Variants in ZCWPW2 observed in about 807,000 individuals in gnomAD.
ZCWPW2 encodes zinc finger CW-type PWWP domain protein 2.
In ZCWPW2, 45 loss-of-function variants were observed where a neutral mutation model predicts 46.6. That is an observed-to-expected ratio of 0.96 (90% CI 0.76 to 1.24). The LOEUF (loss-of-function observed/expected upper bound fraction) is 1.24, where lower values mean the gene tolerates loss of function less well. Among genes scored for constraint, ZCWPW2 ranks in the 50% most tolerant of loss-of-function variants. ZCWPW2 has a pLI of 0.00. For missense variants in ZCWPW2, 429 were observed against 403.9 expected, an observed-to-expected ratio of 1.06 and a Z score of -0.53; for synonymous variants, 152 against 137.1, an observed-to-expected ratio of 1.11 and a Z score of -0.76.
intron 6 of ZCWPW2, among the ~76,000 whole-genome samples, chr3:28,507,541 A>G (rs916441879): frequency 7.3e-5 from 11 of 151,602 alleles, no homozygotes; most frequent in Non-Finnish European, 1.5e-4. Flanking sequence ...CAGTGGTGCA[A>G]TCTTGGCTTC....
chr3:28,447,694 C>T (rs1698048684), intron 4 of ZCWPW2: 1 of 465,730 alleles, frequency 2.1e-6, no homozygotes, highest in Admixed American at 2.6e-5. Flanking sequence ...AGATATCTAG[C>T]TTCCACGAAC....
At chr3:28,441,223 C>A (rs1697743664) in intron 4 of ZCWPW2, among the ~76,000 whole-genome samples, 1 of 152,186 alleles carries the variant, frequency 6.6e-6, no homozygotes, top group Admixed American at 6.5e-5. Context: ...ACATGGGATA[C>A]AAATATCTTC....
At chr3:28,480,849 T>C (rs1299031611) in intron 5 of ZCWPW2, among the ~76,000 whole-genome samples, 1 of 147,778 alleles carries the variant, frequency 6.8e-6, no homozygotes, top group African/African-American at 2.5e-5. Context: ...AGGGAATCCT[T>C]TCCTCATTTT....
intron 4 of ZCWPW2, among the ~76,000 whole-genome samples, chr3:28,466,849 C>A (rs1261944383): frequency 6.6e-6 from 1 of 151,902 alleles, no homozygotes; most frequent in Non-Finnish European, 1.5e-5. Context: ...AAGATATAAT[C>A]CTCTTCTCTT....
At chr3:28,436,383 T>C (rs2125765181) in intron 4 of ZCWPW2, among the ~76,000 whole-genome samples, 1 of 149,560 alleles carries the variant, frequency 6.7e-6, no homozygotes. Context: ...GTGATCCTCT[T>C]GCCTCAGCCT....
At chr3:28,434,374 A>C (rs916786644) in intron 3 of ZCWPW2, among the ~76,000 whole-genome samples, 1 of 152,232 alleles carries the variant, frequency 6.6e-6, no homozygotes, top group Non-Finnish European at 1.5e-5. Flanking sequence ...AAAAAAAAGT[A>C]GAATAGAATG....
chr3:28,420,299 C>T (rs1234453035), intron 3 of ZCWPW2, among the ~76,000 whole-genome samples: 4 of 152,070 alleles, frequency 2.6e-5, no homozygotes, highest in African/African-American at 7.2e-5. Flanking sequence ...TCCCTCTACA[C>T]ACTGCTTTGA....
intron 1 of ZCWPW2, among the ~76,000 whole-genome samples, chr3:28,381,161 A>G (rs1695092203): frequency 6.8e-6 from 1 of 147,662 alleles, no homozygotes; most frequent in Non-Finnish European, 1.5e-5. Context: ...ACTTCATTTA[A>G]TAGAAAATAA....
Position 28,348,972 on chromosome 3 carries a change from G to C in ZCWPW2, c.-365G>C. 1.0e-6 allele frequency: 1 copy of C among 985,710 alleles called. No individual in the cohort carries two copies. Among genetic ancestry groups the C allele is most frequent in the Non-Finnish European group, 1.2e-6 (1 of 830,136 alleles). The allele number at this position is 985,710 out of a possible 1,614,324, so 61.1% of individuals were successfully genotyped here. A position where few individuals can be genotyped will look rare whatever the true frequency, so the allele number is the denominator to read the frequency against. On this transcript the variant is annotated 5_prime_UTR_variant, in exon 1 of 10. Coordinates refer to ENST00000383768, the MANE Select transcript of ZCWPW2 (RefSeq NM_001040432.4). ...GGAAAGTGATTGGAAGTGTGGATGA[G>C]CTCTCAGCCGGAAAAGGGGCTGCCG...
At chr3:28,424,355 G>T (rs925781922) in intron 3 of ZCWPW2, among the ~76,000 whole-genome samples, 2 of 151,842 alleles carry the variant, frequency 1.3e-5, no homozygotes, top group African/African-American at 4.8e-5. Flanking sequence ...AAATACATAT[G>T]TTGGAGTCCA....
intron 4 of ZCWPW2, among the ~76,000 whole-genome samples, chr3:28,439,112 A>G (rs894049543): frequency 2.1e-5 from 3 of 145,058 alleles, no homozygotes; most frequent in African/African-American, 7.5e-5. Context: ...CACACACACC[A>G]TAGGATATAT....
Position 28,525,741 on chromosome 3 carries a change from TATG to T in ZCWPW2, c.*1056_*1058del, listed in dbSNP as rs1354002917. Among the ~76,000 whole-genome samples, 2 of 152,214 alleles carry T rather than the reference TATG, an allele frequency of 1.3e-5. No individual in the cohort carries two copies. Among genetic ancestry groups the T allele is most frequent in the African/African-American group, 4.8e-5 (2 of 41,470 alleles). On this transcript the variant is annotated 3_prime_UTR_variant, in exon 10 of 10. Coordinates refer to ENST00000383768, the MANE Select transcript of ZCWPW2 (RefSeq NM_001040432.4). ...GCTTCTTTTAAGTATTTTTAGATTCTATGATAATTACGTAGAGTGGAGAGTGGA... is the reference window on the plus strand; with the variant it reads ...GCTTCTTTTAAGTATTTTTAGATTCTATAATTACGTAGAGTGGAGAGTGGA...
chr3:28,369,310 A>T (rs971854369), intron 1 of ZCWPW2, among the ~76,000 whole-genome samples: 1 of 152,002 alleles, frequency 6.6e-6, no homozygotes, highest in Non-Finnish European at 1.5e-5. Flanking sequence ...GTCTTTGATG[A>T]TGGTGACGTA....
chr3:28,379,560 G>A (rs1412443070), intron 1 of ZCWPW2, among the ~76,000 whole-genome samples: 1 of 152,022 alleles, frequency 6.6e-6, no homozygotes, highest in Admixed American at 6.5e-5. Flanking sequence ...ATTAAAATGG[G>A]TCATTGAAAC....
At chr3:28,422,884 T>C (rs899348496) in intron 3 of ZCWPW2, among the ~76,000 whole-genome samples, 22 of 152,232 alleles carry the variant, frequency 1.4e-4, no homozygotes, top group African/African-American at 5.3e-4. Flanking sequence ...TGGTGTTACC[T>C]GAATTTTGAA....
At chr3:28,407,991 A>G (rs1407759882) in intron 2 of ZCWPW2, among the ~76,000 whole-genome samples, 1 of 152,212 alleles carries the variant, frequency 6.6e-6, no homozygotes, top group Non-Finnish European at 1.5e-5. Context: ...TAATGGAATC[A>G]ATGAGAATCT....
chr3:28,370,486 A>G (rs997759002), intron 1 of ZCWPW2, among the ~76,000 whole-genome samples: 6 of 152,226 alleles, frequency 3.9e-5, no homozygotes, highest in African/African-American at 1.4e-4. Context: ...AGAATACATT[A>G]TGATATACTT....
At position 28,382,898 on chromosome 3, in the gene ZCWPW2, C is replaced by T. The variant is rs559652806; in HGVS notation, c.-133-7600C>T. Among the ~76,000 whole-genome samples, 7 of 152,194 alleles carry T rather than the reference C, an allele frequency of 4.6e-5. No homozygotes were observed. The South Asian group carries it at 6.2e-4, about 14-fold the overall frequency. ...ATAGTTGAAGCATTTTCAACGATGA[C>T]GGGCTATACTTGTTTTGCCTCATAA... On this transcript the variant is annotated intron_variant, in intron 1 of 9. Coordinates refer to ENST00000383768, the MANE Select transcript of ZCWPW2 (RefSeq NM_001040432.4).
At chr3:28,500,927 T>G (rs1271371832) in intron 6 of ZCWPW2, among the ~76,000 whole-genome samples, 1 of 152,124 alleles carries the variant, frequency 6.6e-6, no homozygotes, top group Non-Finnish European at 1.5e-5. Flanking sequence ...TCAAAACCCA[T>G]TTAATTTCCT....
Sources: allele counts gnomAD v4.1 joint callset (sites outside exome capture counted in the v4.1 genomes callset), GRCh38; gene constraint gnomAD v4.1.1; transcripts MANE v1.5; gene names NCBI Gene and HGNC (gene_info 2026-07-23, HGNC 2026-07-21).